NLGN1: variants seen among roughly 807,000 people sequenced by gnomAD.
NLGN1 encodes the protein neuroligin 1.
Under a neutral mutation model 65.5 loss-of-function variants are expected in NLGN1, and 12 were observed. That is an observed-to-expected ratio of 0.18 (90% CI 0.12 to 0.30). The LOEUF is 0.30. Ranked by LOEUF, NLGN1 falls within the 10% of genes least tolerant of loss-of-function variation. The pLI is 1.00. For missense variants in NLGN1, 750 were observed against 1,007.1 expected (o/e 0.74, Z 3.46); for synonymous variants, 350 against 359.5 (o/e 0.97, Z 0.30).
chr3:173,456,759 A>G (rs1225803017), intron 2 of NLGN1, among the ~76,000 whole-genome samples: 1 of 152,124 alleles, frequency 6.6e-6, no homozygotes, highest in Admixed American at 6.6e-5. Context: ...AAAGAATGAG[A>G]GTATTTACCA....
At chr3:174,063,880 TTAAA>T (rs1242827151) in intron 4 of NLGN1, among the ~76,000 whole-genome samples, 2 of 151,920 alleles carry the variant, frequency 1.3e-5, no homozygotes, top group African/African-American at 4.8e-5. Context: ...TCCTAAAGGA[TTAAA>T]TAAATAAATA....
intron 4 of NLGN1, among the ~76,000 whole-genome samples, chr3:174,197,507 G>A (rs1451709840): frequency 9.8e-6 from 1 of 102,476 alleles, no homozygotes; most frequent in Admixed American, 1.2e-4. Context: ...TTGAGCTACG[G>A]TACTTAACCT....
intron 4 of NLGN1, among the ~76,000 whole-genome samples, chr3:174,045,952 G>C (rs1733486747): frequency 6.6e-6 from 1 of 152,068 alleles, no homozygotes; most frequent in African/African-American, 2.4e-5. Flanking sequence ...TTAGTTTCAA[G>C]AAATCTGAGG....
At chr3:174,008,550 G>C (rs1013301400) in intron 4 of NLGN1, among the ~76,000 whole-genome samples, 2 of 151,782 alleles carry the variant, frequency 1.3e-5, no homozygotes, top group African/African-American at 4.8e-5. Flanking sequence ...CCTCACTCTT[G>C]GCTCTGCAGG....
In NLGN1 at chr3:174,071,100, A is replaced by G. The variant is rs904460198; in HGVS notation, c.647-204215A>G. On this transcript the variant is annotated intron_variant, in intron 4 of 6. Transcript: ENST00000457714. Reference sequence around the variant, plus strand: ...TAGTAATGGGCAAGAGTAAGATACAAAATTTTTAAACATTGAAAATTTACG... The same window carrying G: ...TAGTAATGGGCAAGAGTAAGATACAGAATTTTTAAACATTGAAAATTTACG... Among the ~76,000 whole-genome samples the G allele has an allele frequency of 1.1e-4, 17 of 152,252 alleles. No individual in the cohort carries two copies. In the East Asian group the frequency reaches 3.1e-3, roughly 28 times the overall value.
At chr3:173,784,110 G>A (rs1233803811) in intron 3 of NLGN1, among the ~76,000 whole-genome samples, 6 of 152,272 alleles carry the variant, frequency 3.9e-5, no homozygotes, top group African/African-American at 1.4e-4. Flanking sequence ...GCCAGGTAAT[G>A]TACTCAGAAC....
At chr3:173,924,238 A>G (rs921646830) in intron 4 of NLGN1, among the ~76,000 whole-genome samples, 1 of 152,132 alleles carries the variant, frequency 6.6e-6, no homozygotes, top group African/African-American at 2.4e-5. Flanking sequence ...TTGCCATCAC[A>G]GGAATTTTTT....
chr3:174,174,741 G>T (rs1244267347), intron 4 of NLGN1, among the ~76,000 whole-genome samples: 1 of 151,602 alleles, frequency 6.6e-6, no homozygotes, highest in Non-Finnish European at 1.5e-5. Flanking sequence ...GCATCATCAG[G>T]TTATTTAAAG....
intron 3 of NLGN1, among the ~76,000 whole-genome samples, chr3:173,647,156 C>A (rs951929102): frequency 6.6e-6 from 1 of 152,076 alleles, no homozygotes; most frequent in Admixed American, 6.5e-5. Context: ...AGCCTAAATG[C>A]TTATGCTTCT....
chr3:173,590,421 A>G (rs1284021045), intron 2 of NLGN1, among the ~76,000 whole-genome samples: 1 of 152,198 alleles, frequency 6.6e-6, no homozygotes, highest in Non-Finnish European at 1.5e-5. Flanking sequence ...ACGGTCTTTA[A>G]TAACAACATC....
chr3:173,614,048 C>T (rs1228178701), intron 3 of NLGN1, among the ~76,000 whole-genome samples: 1 of 147,378 alleles, frequency 6.8e-6, no homozygotes, highest in African/African-American at 2.5e-5. Context: ...AAAAAAAGAC[C>T]ATATCATCTC....
chr3:173,800,649 T>A (rs546053607), intron 3 of NLGN1, among the ~76,000 whole-genome samples: 1 of 151,930 alleles, frequency 6.6e-6, no homozygotes, highest in African/African-American at 2.4e-5. Context: ...TTTGACTGAA[T>A]TTTGTCCACC....
At chr3:173,510,498 G>C (rs1732762344) in intron 2 of NLGN1, among the ~76,000 whole-genome samples, 1 of 152,140 alleles carries the variant, frequency 6.6e-6, no homozygotes, top group Non-Finnish European at 1.5e-5. Context: ...TACGAGAATG[G>C]GAGGTTTTCA....
chr3:174,123,802 A>G (rs1011833155), intron 4 of NLGN1, among the ~76,000 whole-genome samples: 1 of 152,126 alleles, frequency 6.6e-6, no homozygotes, highest in African/African-American at 2.4e-5. Flanking sequence ...ACTAATCAAC[A>G]CATCTGTTCA....
At chr3:173,633,783 T>G (rs975876814) in intron 3 of NLGN1, among the ~76,000 whole-genome samples, 3 of 152,150 alleles carry the variant, frequency 2.0e-5, no homozygotes, top group Admixed American at 6.6e-5. Context: ...AACTCCCCGA[T>G]TCTCCTTATC....
At chr3:173,768,624 T>C (rs1779122272) in intron 3 of NLGN1, among the ~76,000 whole-genome samples, 1 of 152,192 alleles carries the variant, frequency 6.6e-6, no homozygotes, top group Non-Finnish European at 1.5e-5. Context: ...TGTTAAAAAA[T>C]AACCTTTCTA....
chr3:173,665,976 A>T (rs1472445462), intron 3 of NLGN1, among the ~76,000 whole-genome samples: 1 of 152,150 alleles, frequency 6.6e-6, no homozygotes, highest in African/African-American at 2.4e-5. Flanking sequence ...TCCTGAACAC[A>T]TGAAGGACAG....
At position 173,980,523 on chromosome 3, in the gene NLGN1, A is replaced by G. The variant is rs184010523; in HGVS notation, c.646+172691A>G. The stretch of plus-strand genomic sequence containing the variant: ...TTTATTTCTATTTTTTCCTCATTAT[A>G]ATAGTTTAACGAACATCTTTGGGAA... On this transcript the variant is annotated intron_variant, in intron 4 of 6. Transcript: ENST00000457714. Among the ~76,000 whole-genome samples the G allele has an allele frequency of 3.8e-3, 576 of 152,080 alleles. 13 individuals are homozygous for G. The highest frequency in any genetic ancestry group is 0.035 in the Admixed American group (540 of 15,238).
chr3:173,566,527 T>C (rs1743697775), intron 2 of NLGN1, among the ~76,000 whole-genome samples: 1 of 152,192 alleles, frequency 6.6e-6, no homozygotes, highest in African/African-American at 2.4e-5. Flanking sequence ...AATATTTCCT[T>C]TCTGAAATAT....
Sources: allele counts gnomAD v4.1 joint callset (sites outside exome capture counted in the v4.1 genomes callset), GRCh38; gene constraint gnomAD v4.1.1; transcripts MANE v1.5; gene names NCBI Gene and HGNC (gene_info 2026-07-23, HGNC 2026-07-21).